LRP1B: variants seen among roughly 807,000 people sequenced by gnomAD.
LRP1B encodes the protein LDL receptor related protein 1B, also known as low-density lipoprotein receptor-related protein 1B.
LRP1B carries 217 observed loss-of-function variants against 556.6 expected under a neutral mutation model. The ratio of observed to expected loss-of-function variants is 0.39; its 90% CI spans 0.35 to 0.44. The LOEUF is 0.44. Among genes scored for constraint, LRP1B ranks in the 20% least tolerant of loss-of-function variants. LRP1B has a pLI of 1.00. For missense variants in LRP1B, 5,053 were observed against 5,620.8 expected, an observed-to-expected ratio of 0.90 and a Z score of 3.23; for synonymous variants, 2,047 against 1,865.8, an observed-to-expected ratio of 1.10 and a Z score of -2.50.
At chr2:140,668,766 C>A (rs1685377738) in intron 41 of LRP1B, among the ~76,000 whole-genome samples, 1 of 150,458 alleles carries the variant, frequency 6.6e-6, no homozygotes, top group Non-Finnish European at 1.5e-5. Context: ...CAAGTAGTTT[C>A]TAAAAACTAG....
chr2:140,875,647 G>A (rs1299084712), intron 25 of LRP1B, among the ~76,000 whole-genome samples: 1 of 152,108 alleles, frequency 6.6e-6, no homozygotes, highest in Non-Finnish European at 1.5e-5. Flanking sequence ...AAATTAGAAA[G>A]TATGTCTTTT....
At chr2:140,289,303 T>C (rs980971697) in intron 84 of LRP1B, among the ~76,000 whole-genome samples, 15 of 152,052 alleles carry the variant, frequency 9.9e-5, no homozygotes, top group Admixed American at 1.3e-4. Flanking sequence ...CGAAGTCCGC[T>C]TTATCTAACT....
intron 2 of LRP1B, among the ~76,000 whole-genome samples, chr2:141,704,372 A>G (rs1321708932): frequency 6.6e-6 from 1 of 151,988 alleles, no homozygotes; most frequent in African/African-American, 2.4e-5. Context: ...GAAACACAAC[A>G]TGATATTTTG....
chr2:142,028,904 A>G lies in LRP1B; in HGVS notation c.82+101744T>C, dbSNP rs534724867. 1.8e-4 allele frequency among the ~76,000 whole-genome samples: 28 copies of G among 152,040 alleles called. No homozygotes were observed. In the South Asian group the frequency reaches 5.8e-3, roughly 31 times the overall value. The stretch of plus-strand genomic sequence containing the variant: ...TGTGGTTTTAATTTGCAGTTTTTTA[A>G]TGACTAACAATGTTGGAGCTTTTCA... On this transcript the variant is annotated intron_variant, in intron 1 of 90. Coordinates refer to ENST00000389484, the MANE Select transcript of LRP1B (RefSeq NM_018557.3).
At chr2:140,602,166 A>C (rs181351686) in intron 41 of LRP1B, among the ~76,000 whole-genome samples, 1 of 151,696 alleles carries the variant, frequency 6.6e-6, no homozygotes, top group Admixed American at 6.6e-5. Context: ...TTAATAGGTT[A>C]ATGTGTCAAT....
intron 41 of LRP1B, among the ~76,000 whole-genome samples, chr2:140,680,255 T>C (rs1378153939): frequency 6.6e-6 from 1 of 152,130 alleles, no homozygotes; most frequent in Non-Finnish European, 1.5e-5. Flanking sequence ...CTCCCACACG[T>C]AGGCATGGAG....
intron 47 of LRP1B, among the ~76,000 whole-genome samples, chr2:140,530,536 C>A (rs1690645975): frequency 1.3e-5 from 2 of 151,962 alleles, no homozygotes; most frequent in Admixed American, 1.3e-4. Context: ...TACAAGGACA[C>A]TATGTTAATA....
chr2:141,625,812 T>G (rs1688684992), intron 2 of LRP1B, among the ~76,000 whole-genome samples: 1 of 152,016 alleles, frequency 6.6e-6, no homozygotes, highest in Non-Finnish European at 1.5e-5. Context: ...TCTTGAAGAG[T>G]TTTGGGTTTT....
chr2:141,788,502 A>G lies in LRP1B; in HGVS notation c.205+21777T>C, dbSNP rs1695497006. Among the ~76,000 whole-genome samples, 3 of 151,994 alleles carry G rather than the reference A, an allele frequency of 2.0e-5. 1 individual carries two copies. The South Asian group carries it at 6.2e-4, about 32-fold the overall frequency. ...TCATTGAATGGTTGCTCCTAATTGT[A>G]CTATTATTCTTTTTTATTCATTTCT... On this transcript the variant is annotated intron_variant, in intron 2 of 90. Coordinates refer to ENST00000389484, the MANE Select transcript of LRP1B (RefSeq NM_018557.3).
intron 3 of LRP1B, among the ~76,000 whole-genome samples, chr2:141,333,274 C>T (rs944846572): frequency 1.1e-4 from 17 of 151,992 alleles, no homozygotes; most frequent in African/African-American, 4.1e-4. Context: ...ATATTTTATC[C>T]TTCTAACTTT....
At chr2:141,711,226 A>G (rs925171538) in intron 2 of LRP1B, among the ~76,000 whole-genome samples, 11 of 152,096 alleles carry the variant, frequency 7.2e-5, no homozygotes, top group South Asian at 2.1e-4. Context: ...TGGTGTGCCA[A>G]CCCAACCAGA....
intron 1 of LRP1B, among the ~76,000 whole-genome samples, chr2:141,916,505 C>T (rs1031673670): frequency 6.6e-6 from 1 of 151,520 alleles, no homozygotes; most frequent in African/African-American, 2.4e-5. Flanking sequence ...GCTGGGACTG[C>T]AGGCACCCGC....
Position 140,415,232 on chromosome 2 carries a change from A to G in LRP1B, c.10414+27272T>C, listed in dbSNP as rs182744020. Reference sequence around the variant, plus strand: ...CTGCTGAACATAGACTCTTATCAGTAGTTCTGCTTTTGCCCTCTGCCTTGT... The same window carrying G: ...CTGCTGAACATAGACTCTTATCAGTGGTTCTGCTTTTGCCCTCTGCCTTGT... On this transcript the variant is annotated intron_variant, in intron 66 of 90. Transcript: ENST00000389484. Among the ~76,000 whole-genome samples, 386 of 150,026 alleles carry G rather than the reference A, an allele frequency of 2.6e-3. 2 individuals are homozygous for G. Among genetic ancestry groups the G allele is most frequent in the Non-Finnish European group, 2.5e-3 (169 of 66,310 alleles).
chr2:141,999,191 A>G (rs1702587573), intron 1 of LRP1B, among the ~76,000 whole-genome samples: 1 of 152,096 alleles, frequency 6.6e-6, no homozygotes, highest in South Asian at 2.1e-4. Context: ...AATTCTGGTC[A>G]GCTGTGGCTG....
intron 35 of LRP1B, among the ~76,000 whole-genome samples, chr2:140,725,374 TA>T (rs1320321314): frequency 6.6e-6 from 1 of 151,922 alleles, no homozygotes; most frequent in African/African-American, 2.4e-5. Context: ...TATTGATATA[TA>T]AAATCACTCA....
intron 5 of LRP1B, among the ~76,000 whole-genome samples, chr2:141,237,965 T>C (rs1458357979): frequency 3.3e-5 from 5 of 152,104 alleles, no homozygotes; most frequent in Non-Finnish European, 7.4e-5. Context: ...GAGACTTTAC[T>C]GAATTAACAC....
At chr2:142,088,987 A>G (rs1290602411) in intron 1 of LRP1B, among the ~76,000 whole-genome samples, 1 of 39,030 alleles carries the variant, frequency 2.6e-5, no homozygotes, top group Admixed American at 3.9e-4. Flanking sequence ...AAAAAAAAAA[A>G]AAAAAAAAAG....
At chr2:140,552,570 C>A (rs12623376) in intron 43 of LRP1B, among the ~76,000 whole-genome samples, 65,838 of 151,878 alleles carry the variant, frequency 0.43, 14,967 homozygotes, top group East Asian at 0.58. Context: ...ATTAAATTAC[C>A]TGTTTCAATT....
intron 7 of LRP1B, among the ~76,000 whole-genome samples, chr2:141,080,495 C>T (rs1020756393): frequency 6.6e-6 from 1 of 152,120 alleles, no homozygotes; most frequent in Non-Finnish European, 1.5e-5. Context: ...TCTGATTAAC[C>T]TTGACATTAC....
Sources: gnomAD v4.1 joint callset for allele counts (sites outside exome capture counted in the v4.1 genomes callset) on GRCh38, gnomAD v4.1.1 for gene constraint, MANE v1.5 for transcripts, NCBI Gene and HGNC (gene_info 2026-07-23, HGNC 2026-07-21) for gene names.